The following NTN1 variants were observed in gnomAD, a reference collection of about 807,000 sequenced individuals.
The protein encoded by NTN1 is netrin 1, also known as netrin-1.
NTN1 carries 11 observed loss-of-function variants against 54.2 expected under a neutral mutation model. That is an observed-to-expected ratio of 0.20 (90% confidence interval 0.13 to 0.34). The LOEUF is 0.34. NTN1 is among the 10% of genes least tolerant of loss of function. The pLI is 1.00. For synonymous variants in NTN1, 371 were observed against 382.0 expected, an observed-to-expected ratio of 0.97 and a Z score of 0.33; for missense variants, 740 against 893.1, an observed-to-expected ratio of 0.83 and a Z score of 2.18.
chr17:9,006,764 G>GT, the NTN1 span, among the ~76,000 whole-genome samples: 1 of 152,206 alleles, frequency 6.6e-6, no homozygotes, highest in Non-Finnish European at 1.5e-5. Flanking sequence ...GGGCCCTTCT[G>GT]TGTTCATTTA....
chr17:9,163,917 C>A (rs950382100), intron 3 of NTN1, among the ~76,000 whole-genome samples: 2 of 152,234 alleles, frequency 1.3e-5, no homozygotes, highest in African/African-American at 2.4e-5. Flanking sequence ...TCTGAGGGCT[C>A]ATGGGCAACA....
intron 2 of NTN1, among the ~76,000 whole-genome samples, chr17:9,139,352 C>A (rs979264584): frequency 6.6e-6 from 1 of 152,106 alleles, no homozygotes; most frequent in Non-Finnish European, 1.5e-5. Context: ...CAGAGGGAGA[C>A]CCTAACAGGA....
intron 2 of NTN1, among the ~76,000 whole-genome samples, chr17:9,045,147 C>T (rs1202510589): frequency 6.6e-6 from 1 of 152,196 alleles, no homozygotes. Flanking sequence ...AAAGAAGAGG[C>T]CAGAATGATT....
chr17:9,038,648 C>G (rs1297500134), intron 2 of NTN1, among the ~76,000 whole-genome samples: 2 of 152,120 alleles, frequency 1.3e-5, no homozygotes, highest in Non-Finnish European at 2.9e-5. Flanking sequence ...TCCCCTTTCT[C>G]TATCCTCCCT....
chr17:9,009,925 G>A, the NTN1 span, among the ~76,000 whole-genome samples: 1 of 152,230 alleles, frequency 6.6e-6, no homozygotes, highest in Non-Finnish European at 1.5e-5. Context: ...CCTCCCTGAC[G>A]TCAGTTTCCT....
intron 2 of NTN1, among the ~76,000 whole-genome samples, chr17:9,033,768 T>G (rs950749617): frequency 3.3e-5 from 5 of 151,722 alleles, no homozygotes; most frequent in Non-Finnish European, 5.9e-5. Flanking sequence ...AAATACAAAA[T>G]TAGCCGGGCG....
intron 2 of NTN1, among the ~76,000 whole-genome samples, chr17:9,111,004 G>A (rs567178046): frequency 5.6e-5 from 8 of 143,948 alleles, no homozygotes; most frequent in African/African-American, 1.3e-4. Flanking sequence ...GCGCGATCTC[G>A]GCTTACTGCA....
At chr17:9,075,831 A>T (rs539811389) in intron 2 of NTN1, among the ~76,000 whole-genome samples, 3,564 of 152,332 alleles carry the variant, frequency 0.023, 63 homozygotes, top group Middle Eastern at 0.058. Context: ...CCCAGGGGGA[A>T]AATACCCCGC....
chr17:9,186,641 A>G (rs2092433664), intron 5 of NTN1, among the ~76,000 whole-genome samples: 1 of 152,166 alleles, frequency 6.6e-6, no homozygotes, highest in African/African-American at 2.4e-5. Context: ...CTGAAAGGAA[A>G]ACTCCACAGA....
chr17:9,235,892 C>G (rs542957593), intron 6 of NTN1, among the ~76,000 whole-genome samples: 2 of 152,030 alleles, frequency 1.3e-5, no homozygotes, highest in Non-Finnish European at 2.9e-5. Context: ...GCTGGGACTA[C>G]AGGCGTCCAC....
intron 5 of NTN1, among the ~76,000 whole-genome samples, chr17:9,217,854 C>CAAAAAAAAAAAAAAAAAAA (rs11354107): frequency 4.2e-5 from 4 of 95,754 alleles, no homozygotes; most frequent in African/African-American, 4.4e-5. Context: ...GGAAAGACAC[C>CAAAAAAAAAAAAAAAAAAA]AAAAAAAAAA....
chr17:9,057,756 C>T (rs1477088577), intron 2 of NTN1, among the ~76,000 whole-genome samples: 1 of 152,208 alleles, frequency 6.6e-6, no homozygotes, highest in African/African-American at 2.4e-5. Context: ...TGACACGTGG[C>T]TCCTTTAAGT....
intron 2 of NTN1, among the ~76,000 whole-genome samples, chr17:9,144,191 C>T (rs995724026): frequency 2.0e-5 from 3 of 151,968 alleles, no homozygotes; most frequent in South Asian, 2.1e-4. Flanking sequence ...CCACTGCGCC[C>T]GGCCGTTACC....
Position 9,044,686 on chromosome 17 carries a change from G to T in NTN1, c.1018+21295G>T, listed in dbSNP as rs143752579. On this transcript the variant is annotated intron_variant, in intron 2 of 6. Transcript: ENST00000173229. ...TATATTTATTGACTCAATCTAATTG[G>T]GATTTTATTCTCCAGATACTCTATA... Among the ~76,000 whole-genome samples, 1,520 of 152,102 alleles carry T rather than the reference G, an allele frequency of 1.0e-2. 26 individuals carry two copies. Among genetic ancestry groups the T allele is most frequent in the African/African-American group, 0.032 (1,339 of 41,470 alleles).
chr17:9,180,120 C>G (rs1168542622), intron 4 of NTN1, among the ~76,000 whole-genome samples, 164 bp downstream of exon 4: 1 of 152,230 alleles, frequency 6.6e-6, no homozygotes, highest in Non-Finnish European at 1.5e-5. Context: ...CTCACTGCAA[C>G]CTCTGCCTCC....
At position 9,179,915 on chromosome 17, in the gene NTN1, A is replaced by G; in HGVS notation, c.1316A>G (p.Lys439Arg). ...GGTATCACCTGCAACCGCTGCGCCA[A>G]AGGCTACCAGCAGAGCCGCTCTCCC... is the stretch of plus-strand genomic sequence containing the variant. ...VTGITCNRCA[K>R]GYQQSRSPIA... Residue 439 changes from lysine to arginine, a missense_variant, in exon 4 of 7, where the codon AAA (lysine) becomes AGA (arginine). Lys to Arg is a conservative substitution (Grantham distance 26). Transcript: ENST00000173229. 6.2e-7 allele frequency: 1 copy of G among 1,614,030 alleles called. No homozygotes were observed. The highest frequency in any genetic ancestry group is 1.7e-5 in the Admixed American group (1 of 60,010).
intron 2 of NTN1, among the ~76,000 whole-genome samples, chr17:9,076,548 A>G (rs545794437): frequency 8.6e-5 from 13 of 151,924 alleles, no homozygotes; most frequent in African/African-American, 3.1e-4. Context: ...AATTTTTCAA[A>G]TTTTTTTGTG....
chr17:9,200,212 G>A (rs1317568090), intron 5 of NTN1, among the ~76,000 whole-genome samples: 6 of 152,250 alleles, frequency 3.9e-5, no homozygotes, highest in Non-Finnish European at 7.3e-5. Context: ...TCTCGCTGGA[G>A]AAGCCTATAG....
chr17:9,205,556 G>A (rs80354339), intron 5 of NTN1, among the ~76,000 whole-genome samples: 6,170 of 152,346 alleles, frequency 0.04, 237 homozygotes, highest in East Asian at 0.17. Flanking sequence ...CCACGGGTTC[G>A]AGGCTGCAGT....
Sources: allele counts gnomAD v4.1 joint callset (sites outside exome capture counted in the v4.1 genomes callset), GRCh38; gene constraint gnomAD v4.1.1; transcripts MANE v1.5; gene names NCBI Gene and HGNC (gene_info 2026-07-23, HGNC 2026-07-21).